Variants in GLI2 observed in about 807,000 individuals in gnomAD.
The protein encoded by GLI2 is transcription activator GLI2.
Under a neutral mutation model 78.9 loss-of-function variants are expected in GLI2, and 22 were observed. That is an observed-to-expected ratio of 0.28 (90% CI 0.20 to 0.40). The LOEUF (loss-of-function observed/expected upper bound fraction) is 0.40, where lower values mean the gene tolerates loss of function less well. GLI2 is among the 10% of genes least tolerant of loss of function. The pLI, the probability that GLI2 is intolerant of heterozygous loss-of-function variation, is 1.00. For missense variants in GLI2, 2,097 were observed against 2,213.2 expected, an observed-to-expected ratio of 0.95 and a Z score of 1.05; for synonymous variants, 974 against 963.7, an observed-to-expected ratio of 1.01 and a Z score of -0.20.
In GLI2 at chr2:120,970,515, T is replaced by C. The variant is rs1004316414; in HGVS notation, c.968T>C (p.Phe323Ser). The C allele has an allele frequency of 8.1e-6, 13 of 1,613,822 alleles. No individual in the cohort carries two copies. In the Admixed American group the frequency reaches 1.3e-4, roughly 17 times the overall value. The change falls in exon 7 of 14, where the codon TTC (phenylalanine) becomes TCC (serine). Residue 323 changes from phenylalanine (F) to serine (S), a missense_variant. Around this residue, in one of 5 missense-constraint regions of GLI2, gnomAD observed 578 missense variants for 612.0 expected, o/e 0.94. Transcript: ENST00000361492. ...TPPLIQPSPTFLAQQPMALTS... is the reference protein window; with the variant it reads ...TPPLIQPSPTSLAQQPMALTS... ...CCCCTGATCCAGCCCTCACCCACCT[T>C]CCTGGCCCAGCAGCCCATGGCCCTC...
intron 2 of GLI2, among the ~76,000 whole-genome samples, chr2:120,860,782 G>C (rs1687866773): frequency 6.6e-6 from 1 of 152,184 alleles, no homozygotes; most frequent in South Asian, 2.1e-4. Flanking sequence ...GAGCAGTGAG[G>C]GGGCAGCCCA....
intron 2 of GLI2, among the ~76,000 whole-genome samples, chr2:120,926,440 C>T (rs967618896): frequency 6.6e-6 from 1 of 152,192 alleles, no homozygotes; most frequent in Non-Finnish European, 1.5e-5. Context: ...ATCCACATTT[C>T]TTTAAAATAT....
At chr2:120,907,734 G>C (rs1678611737) in intron 2 of GLI2, among the ~76,000 whole-genome samples, 1 of 152,138 alleles carries the variant, frequency 6.6e-6, no homozygotes, top group Non-Finnish European at 1.5e-5. Context: ...TGTTTCCTCA[G>C]TGTAAATGGG....
intron 1 of GLI2, among the ~76,000 whole-genome samples, chr2:120,753,093 ATT>A (rs55697602): frequency 8.9e-5 from 10 of 111,820 alleles, no homozygotes; most frequent in African/African-American, 1.4e-4. Flanking sequence ...TTCTGTACGT[ATT>A]TTTTTTTTTT....
intron 5 of GLI2, among the ~76,000 whole-genome samples, chr2:120,957,687 G>A (rs187215061): frequency 6.6e-6 from 1 of 152,344 alleles, no homozygotes; most frequent in African/African-American, 2.4e-5. Flanking sequence ...AGGCAGCCGG[G>A]AGTCATCCAG....
chr2:120,863,585 A>G lies in GLI2; in HGVS notation c.149-63776A>G, dbSNP rs548005627. 3.4e-4 allele frequency among the ~76,000 whole-genome samples: 52 copies of G among 152,368 alleles called. 1 individual carries two copies. The highest frequency in any genetic ancestry group is 1.2e-3 in the African/African-American group (48 of 41,590). On this transcript the variant is annotated intron_variant, in intron 2 of 13. Transcript: ENST00000361492. ...TTAAATAGAGGTTTTAACTGCATCTATGTAGTATCTTAGCCACAATGTGGA... is the reference window on the plus strand; with the variant it reads ...TTAAATAGAGGTTTTAACTGCATCTGTGTAGTATCTTAGCCACAATGTGGA...
Position 120,968,805 on chromosome 2 carries a change from G to A in GLI2, c.735G>A (p.Leu245=). Residue 245 remains leucine, a synonymous_variant, in exon 6 of 14, where the codon CTG becomes CTA. Coordinates refer to ENST00000361492, the MANE Select transcript of GLI2 (RefSeq NM_001374353.1). ...ISPLSDASLD[L]QRMIRTSPNS... Reference sequence around the variant, plus strand: ...CACTCTCAGACGCCAGCCTGGACCTGCAGCGGATGATCCGCACCTCACCCA... The same window carrying A: ...CACTCTCAGACGCCAGCCTGGACCTACAGCGGATGATCCGCACCTCACCCA... 1.2e-6 allele frequency: 2 copies of A among 1,613,754 alleles called. No homozygotes were observed. Among genetic ancestry groups the A allele is most frequent in the African/African-American group, 1.3e-5 (1 of 75,064 alleles).
chr2:120,920,730 G>A (rs1372351014), intron 2 of GLI2, among the ~76,000 whole-genome samples: 1 of 150,838 alleles, frequency 6.6e-6, no homozygotes, highest in East Asian at 1.9e-4. Flanking sequence ...TTTTTCCAGA[G>A]GGGAGTGATG....
chr2:120,761,056 C>T (rs1683198037), intron 1 of GLI2, among the ~76,000 whole-genome samples: 1 of 152,174 alleles, frequency 6.6e-6, no homozygotes, highest in African/African-American at 2.4e-5. Flanking sequence ...TGTGGCCAGA[C>T]ATTTCTTTCC....
At chr2:120,804,182 G>C (rs1004426802) in intron 2 of GLI2, among the ~76,000 whole-genome samples, 3 of 152,186 alleles carry the variant, frequency 2.0e-5, no homozygotes, top group African/African-American at 7.2e-5. Flanking sequence ...GTGTTGGCCA[G>C]AGCTAGAAAA....
chr2:120,796,667 A>G (rs971916852), intron 1 of GLI2, among the ~76,000 whole-genome samples: 17 of 152,146 alleles, frequency 1.1e-4, no homozygotes, highest in African/African-American at 4.1e-4. Flanking sequence ...CTGAGATTAA[A>G]TCTACATTTA....
chr2:120,747,546 G>A (rs1682730018), intron 1 of GLI2, among the ~76,000 whole-genome samples: 1 of 152,200 alleles, frequency 6.6e-6, no homozygotes, highest in African/African-American at 2.4e-5. Context: ...GTCTCCAGGG[G>A]GCATTTGACC....
intron 2 of GLI2, among the ~76,000 whole-genome samples, chr2:120,908,974 G>A (rs562676614): frequency 1.3e-5 from 2 of 152,270 alleles, no homozygotes; most frequent in South Asian, 2.1e-4. Flanking sequence ...CTGGAAAATG[G>A]CATCCCTGAC....
intron 2 of GLI2, among the ~76,000 whole-genome samples, chr2:120,861,125 A>G (rs998835190): frequency 2.0e-5 from 3 of 152,194 alleles, no homozygotes; most frequent in African/African-American, 7.2e-5. Context: ...TACCCTCTGC[A>G]AGAGAGTCTC....
chr2:120,935,528 T>C (rs1280227666), intron 3 of GLI2, among the ~76,000 whole-genome samples: 1 of 152,148 alleles, frequency 6.6e-6, no homozygotes, highest in Non-Finnish European at 1.5e-5. Context: ...AGAGGAGCAG[T>C]AGCAGGAGTC....
chr2:120,918,814 A>C (rs532641747), intron 2 of GLI2, among the ~76,000 whole-genome samples: 1 of 152,316 alleles, frequency 6.6e-6, no homozygotes, highest in East Asian at 1.9e-4. Flanking sequence ...GAAGCTTGGA[A>C]CACTCATTAC....
Position 120,951,864 on chromosome 2 carries a change from C to T in GLI2, c.457+419C>T, listed in dbSNP as rs138595789. The T allele has an allele frequency of 8.5e-3, 1,345 of 158,532 alleles. 16 individuals are homozygous for T. Among genetic ancestry groups the T allele is most frequent in the African/African-American group, 0.028 (1,182 of 41,840 alleles). 9.8% of individuals were successfully genotyped at this position (158,532 alleles called of 1,614,324 possible). A position where few individuals can be genotyped will look rare whatever the true frequency, so the allele number is the denominator to read the frequency against. The stretch of plus-strand genomic sequence containing the variant: ...GTTGGATCTGCCCCTTGCAGGTTAA[C>T]GCAGGAGGCCTCCAAGTGGCAGCCC... On this transcript the variant is annotated intron_variant, in intron 4 of 13. Transcript: ENST00000361492.
chr2:120,952,356 G>C (rs1681037390), intron 4 of GLI2, among the ~76,000 whole-genome samples: 1 of 152,246 alleles, frequency 6.6e-6, no homozygotes, highest in Non-Finnish European at 1.5e-5. Context: ...AGAGGCTCTA[G>C]GAAATGGGGT....
At chr2:120,780,291 A>G (rs1479095208) in intron 1 of GLI2, among the ~76,000 whole-genome samples, 1 of 152,194 alleles carries the variant, frequency 6.6e-6, no homozygotes, top group Non-Finnish European at 1.5e-5. Flanking sequence ...CCACTTGCCG[A>G]GCTCCAGCTG....
Sources: gnomAD v4.1 joint callset for allele counts (sites outside exome capture counted in the v4.1 genomes callset) on GRCh38, gnomAD v4.1.1 for gene constraint, gnomAD v4.1.1 regional missense constraint, MANE v1.5 for transcripts, NCBI Gene and HGNC (gene_info 2026-07-23, HGNC 2026-07-21) for gene names.